The following SOX6 variants were observed in gnomAD, a reference collection of about 807,000 sequenced individuals.
SOX6 encodes the protein SRY-box transcription factor 6.
In SOX6, 11 loss-of-function variants were observed where a neutral mutation model predicts 97.8. That is an observed-to-expected ratio of 0.11 (90% CI 0.07 to 0.19). The LOEUF (loss-of-function observed/expected upper bound fraction) is 0.19, where lower values mean the gene tolerates loss of function less well. Among genes scored for constraint, SOX6 ranks in the 10% least tolerant of loss-of-function variants. The pLI is 1.00. For synonymous variants in SOX6, 360 were observed against 371.4 expected, an observed-to-expected ratio of 0.97 and a Z score of 0.35; for missense variants, 810 against 1,039.5, an observed-to-expected ratio of 0.78 and a Z score of 3.04.
At chr11:16,545,456 A>T (rs928562082) in intron 4 of SOX6, among the ~76,000 whole-genome samples, 3 of 152,172 alleles carry the variant, frequency 2.0e-5, no homozygotes, top group Admixed American at 6.5e-5. Context: ...GAAAGTATAT[A>T]CCTTAATGTA....
At chr11:16,041,993 T>C (rs1187359752) in intron 12 of SOX6, among the ~76,000 whole-genome samples, 1 of 152,154 alleles carries the variant, frequency 6.6e-6, no homozygotes, top group Non-Finnish European at 1.5e-5. Flanking sequence ...GCCTGCCATC[T>C]GAAAGTGAGA....
chr11:16,394,437 C>CA (rs1303049640), intron 1 of SOX6, among the ~76,000 whole-genome samples: 1 of 151,348 alleles, frequency 6.6e-6, no homozygotes, highest in South Asian at 2.1e-4. Context: ...TCATCACCAA[C>CA]AAAAAAAAGT....
At chr11:16,677,700 T>C (rs866538398) in intron 3 of SOX6, among the ~76,000 whole-genome samples, 1 of 152,210 alleles carries the variant, frequency 6.6e-6, no homozygotes, top group South Asian at 2.1e-4. Context: ...GTTGTATGTA[T>C]GGTTTTGGTG....
chr11:16,494,636 A>G (rs1860564865), intron 4 of SOX6, among the ~76,000 whole-genome samples: 1 of 152,158 alleles, frequency 6.6e-6, no homozygotes, highest in Admixed American at 6.5e-5. Context: ...ATCACTTAAG[A>G]GAGAACACTG....
chr11:16,701,348 T>C lies in SOX6; in HGVS notation n.429+13482A>G, dbSNP rs555706623. Among the ~76,000 whole-genome samples, 3 of 152,284 alleles carry C rather than the reference T, an allele frequency of 2.0e-5. No homozygotes were observed. The South Asian group carries it at 6.2e-4, about 32-fold the overall frequency. ...GAACATTTATTCTTATCTTAAAGGA[T>C]TTTTGTGAATATTAAATAAAATTAT... is the stretch of plus-strand genomic sequence containing the variant. On this transcript the variant is annotated intron_variant and non_coding_transcript_variant, in intron 3 of 5. Transcript: ENST00000524520.
At chr11:16,008,150 A>G (rs1012371354) in intron 13 of SOX6, among the ~76,000 whole-genome samples, 3 of 152,128 alleles carry the variant, frequency 2.0e-5, no homozygotes, top group Non-Finnish European at 4.4e-5. Flanking sequence ...TGTAAATACT[A>G]TGTAAATAAT....
At chr11:16,083,922 C>T (rs1425999606) in intron 9 of SOX6, among the ~76,000 whole-genome samples, 1 of 152,130 alleles carries the variant, frequency 6.6e-6, no homozygotes, top group Non-Finnish European at 1.5e-5. Context: ...CCCTCAAAGC[C>T]TCTGAAGACC....
At chr11:16,640,299 G>A (rs1298401956) in intron 3 of SOX6, among the ~76,000 whole-genome samples, 2 of 152,154 alleles carry the variant, frequency 1.3e-5, no homozygotes, top group Non-Finnish European at 2.9e-5. Context: ...ATGTGCTGCT[G>A]GATTCGGTTT....
intron 12 of SOX6, among the ~76,000 whole-genome samples, chr11:16,016,071 T>C: frequency 6.6e-6 from 1 of 152,080 alleles, no homozygotes; most frequent in East Asian, 1.9e-4. Flanking sequence ...AGTTCTGTAC[T>C]GAGCATGTTC....
chr11:16,367,132 T>C (rs1044934195), intron 1 of SOX6, among the ~76,000 whole-genome samples: 1 of 152,192 alleles, frequency 6.6e-6, no homozygotes, highest in Non-Finnish European at 1.5e-5. Flanking sequence ...AGTTCTAAGA[T>C]ATAGTTTAGA....
chr11:16,693,581 G>A (rs1247806458), intron 3 of SOX6, among the ~76,000 whole-genome samples: 1 of 152,070 alleles, frequency 6.6e-6, no homozygotes, highest in Non-Finnish European at 1.5e-5. Flanking sequence ...TGGAATCCAT[G>A]TAATCCCATC....
intron 12 of SOX6, among the ~76,000 whole-genome samples, chr11:16,025,035 G>C (rs1205676234): frequency 6.6e-6 from 1 of 152,092 alleles, no homozygotes; most frequent in Non-Finnish European, 1.5e-5. Flanking sequence ...TTTAGGCTTG[G>C]AAGCCACTGA....
chr11:16,516,833 A>C (rs1243099999), intron 4 of SOX6, among the ~76,000 whole-genome samples: 4 of 151,568 alleles, frequency 2.6e-5, no homozygotes, highest in African/African-American at 9.7e-5. Context: ...TTTTATGAGG[A>C]CAGCATCATT....
intron 4 of SOX6, among the ~76,000 whole-genome samples, chr11:16,527,440 T>C (rs1373457482): frequency 2.0e-5 from 3 of 152,082 alleles, no homozygotes; most frequent in African/African-American, 7.2e-5. Context: ...AATCCTGAAA[T>C]GGGAAGATAA....
chr11:16,083,495 A>C (rs1022470243), intron 9 of SOX6, among the ~76,000 whole-genome samples: 2 of 152,222 alleles, frequency 1.3e-5, no homozygotes, highest in Non-Finnish European at 2.9e-5. Flanking sequence ...AAAAAAATAT[A>C]TCTCTACTAA....
At chr11:16,121,548 T>C (rs150856698) in intron 6 of SOX6, among the ~76,000 whole-genome samples, 1 of 152,140 alleles carries the variant, frequency 6.6e-6, no homozygotes, top group Non-Finnish European at 1.5e-5. Context: ...TACATATTAG[T>C]ACAAATTATC....
intron 4 of SOX6, among the ~76,000 whole-genome samples, chr11:16,545,375 T>C (rs547110652): frequency 6.9e-6 from 1 of 145,224 alleles, no homozygotes; most frequent in African/African-American, 2.5e-5. Flanking sequence ...CACATCTCAA[T>C]AGACACAGAA....
At position 16,300,582 on chromosome 11, in the gene SOX6, G is replaced by T. The variant is rs1855227814; in HGVS notation, c.445+17864C>A. Among the ~76,000 whole-genome samples, 1 of 152,106 alleles carries T rather than the reference G, an allele frequency of 6.6e-6. No individual in the cohort carries two copies. The highest frequency in any genetic ancestry group is 1.5e-5 in the Non-Finnish European group (1 of 68,020). On this transcript the variant is annotated intron_variant, in intron 3 of 15. Transcript: ENST00000683767. The surrounding 1 kb of genome is among the most constrained non-coding windows in gnomAD (Gnocchi z 4.1). ...AGTCTAATGCAATCCTCTCAGTGCT[G>T]GAAAGACATTTTCATTCATTACCAC...
intron 1 of SOX6, among the ~76,000 whole-genome samples, chr11:16,403,252 G>A (rs568771244): frequency 6.6e-6 from 1 of 151,630 alleles, no homozygotes; most frequent in Non-Finnish European, 1.5e-5. Flanking sequence ...CATTATTAGA[G>A]AAGGGCATTA....
Sources: gnomAD v4.1 joint callset for allele counts (sites outside exome capture counted in the v4.1 genomes callset) on GRCh38, gnomAD v4.1.1 for gene constraint, Gnocchi (gnomAD v3.1) non-coding constraint, MANE v1.5 for transcripts, NCBI Gene and HGNC (gene_info 2026-07-23, HGNC 2026-07-21) for gene names.